Variants in MARCHF6 observed in about 807,000 individuals in gnomAD.
MARCHF6 encodes the protein E3 ubiquitin-protein ligase MARCHF6.
Under a neutral mutation model 133.7 loss-of-function variants are expected in MARCHF6, and 31 were observed. The observed-to-expected ratio is 0.23, with a 90% CI of 0.17 to 0.31. The LOEUF (loss-of-function observed/expected upper bound fraction) is 0.31, where lower values mean the gene tolerates loss of function less well. MARCHF6 is among the 10% of genes least tolerant of loss of function. MARCHF6 has a pLI of 1.00. For synonymous variants in MARCHF6, 395 were observed against 402.5 expected (o/e 0.98, Z 0.22); for missense variants, 723 against 1,121.6 (o/e 0.64, Z 5.08).
intron 25 of MARCHF6, 65 bp from the exon 26 acceptor site, chr5:10,433,529 G>A: frequency 8.2e-7 from 1 of 1,223,514 alleles, no homozygotes; most frequent in Non-Finnish European, 1.2e-6. Context: ...GATTTAAAAA[G>A]ACATATGAAT....
rs1349885990 is a variant in MARCHF6 at position 10,435,894 on chromosome 5, T to C, written c.*2210T>C. 6.7e-6 allele frequency: 1 copy of C among 149,284 alleles called. No individual in the cohort carries two copies. The highest frequency in any genetic ancestry group is 2.0e-4 in the East Asian group (1 of 5,064). The allele number at this position is 149,284 out of a possible 1,614,324, so 9.2% of individuals were successfully genotyped here. On this transcript the variant is annotated 3_prime_UTR_variant, in exon 26 of 26. Transcript: ENST00000274140. The stretch of plus-strand genomic sequence containing the variant: ...ACCACACCTGGCTTATTTTAGTTAT[T>C]TTAGTAGAGATAGGGTTTCACCATG...
Position 10,435,645 on chromosome 5 carries a change from ATATATATATATATATAT to A in MARCHF6, c.*1962_*1978del, listed in dbSNP as rs1561159218. 8.9e-3 allele frequency: 19 copies of A among 2,130 alleles called. No homozygotes were observed. The highest frequency in any genetic ancestry group is 0.017 in the African/African-American group (17 of 974). 0.1% of individuals were successfully genotyped at this position (2,130 alleles called of 1,614,324 possible). The stretch of plus-strand genomic sequence containing the variant: ...TAACTATATAACTATATAACTATAT[ATATATATATATATATAT>A]ATATATATATATATATATATATATA... On this transcript the variant is annotated 3_prime_UTR_variant, in exon 26 of 26. Coordinates refer to ENST00000274140, the MANE Select transcript of MARCHF6 (RefSeq NM_005885.4).
At chr5:10,421,503 T>A (rs1375513915) in intron 22 of MARCHF6, among the ~76,000 whole-genome samples, 2 of 152,230 alleles carry the variant, frequency 1.3e-5, no homozygotes, top group African/African-American at 4.8e-5. Flanking sequence ...TTCATGACTT[T>A]AAGCTACTTG....
At chr5:10,400,109 C>T (rs1738434163) in intron 10 of MARCHF6, among the ~76,000 whole-genome samples, 1 of 152,180 alleles carries the variant, frequency 6.6e-6, no homozygotes, top group Non-Finnish European at 1.5e-5. Context: ...TCACTGGATT[C>T]AGCTGATATC....
Position 10,390,510 on chromosome 5 carries a change from C to T in MARCHF6, c.576+10C>T. 1 of 1,609,752 alleles carries T rather than the reference C, an allele frequency of 6.2e-7. No individual in the cohort carries two copies. The highest frequency in any genetic ancestry group is 8.5e-7 in the Non-Finnish European group (1 of 1,178,122). On this transcript the variant is annotated intron_variant, in intron 6 of 25. Transcript: ENST00000274140. ...GCATCACCAAAATGAGGTAACTCCC[C>T]TACCCCAAAATTGATTTTACTTAGG...
intron 1 of MARCHF6, among the ~76,000 whole-genome samples, chr5:10,360,041 T>C (rs764418270): frequency 2.0e-5 from 3 of 151,962 alleles, no homozygotes; most frequent in Non-Finnish European, 4.4e-5. Context: ...ATTAATCTAC[T>C]GTTTATGTTG....
chr5:10,420,651 A>G (rs1374639422), intron 22 of MARCHF6, among the ~76,000 whole-genome samples: 4 of 152,228 alleles, frequency 2.6e-5, no homozygotes, highest in Admixed American at 6.5e-5. Context: ...CAGAACATCA[A>G]CATCATACAC....
chr5:10,379,986 T>G (rs1336310128), intron 3 of MARCHF6, among the ~76,000 whole-genome samples: 1 of 152,214 alleles, frequency 6.6e-6, no homozygotes, highest in Non-Finnish European at 1.5e-5. Flanking sequence ...AAAATATTTT[T>G]GCAGCCTTTA....
intron 1 of MARCHF6, among the ~76,000 whole-genome samples, chr5:10,373,541 CG>C (rs1736586115): frequency 6.6e-6 from 1 of 152,168 alleles, no homozygotes; most frequent in Non-Finnish European, 1.5e-5. Context: ...GCTGTACCCA[CG>C]TGGATGTCAC....
intron 1 of MARCHF6, among the ~76,000 whole-genome samples, chr5:10,374,381 C>T (rs1208707671): frequency 6.6e-6 from 1 of 152,132 alleles, no homozygotes; most frequent in African/African-American, 2.4e-5. Context: ...AAAGTCCATG[C>T]CTCTTGTCTT....
intron 9 of MARCHF6, among the ~76,000 whole-genome samples, chr5:10,396,363 G>A (rs751120841): frequency 1.4e-4 from 22 of 152,266 alleles, no homozygotes; most frequent in Non-Finnish European, 2.8e-4. Flanking sequence ...GATTTTCCGC[G>A]AAGATAACAG....
chr5:10,368,972 A>AG (rs1736298858), intron 1 of MARCHF6, among the ~76,000 whole-genome samples: 1 of 152,058 alleles, frequency 6.6e-6, no homozygotes, highest in Admixed American at 6.5e-5. Context: ...AAAAAAAAAA[A>AG]AAATTTCCAA....
At chr5:10,399,351 G>A (rs551229767) in intron 10 of MARCHF6, among the ~76,000 whole-genome samples, 1 of 151,782 alleles carries the variant, frequency 6.6e-6, no homozygotes, top group Non-Finnish European at 1.5e-5. Flanking sequence ...GGAAATACAT[G>A]TTCAAAAATA....
chr5:10,392,543 C>T (rs138230710), intron 7 of MARCHF6, among the ~76,000 whole-genome samples: 14 of 152,154 alleles, frequency 9.2e-5, no homozygotes, highest in Middle Eastern at 3.4e-3. Flanking sequence ...CACCTGAGGT[C>T]AGGAGTTTGA....
Position 10,439,098 on chromosome 5 carries a change from CAT to C in MARCHF6, c.*5417_*5418del, listed in dbSNP as rs1317703421. 8 of 152,208 alleles carry C rather than the reference CAT, an allele frequency of 5.3e-5. No individual in the cohort carries two copies. The highest frequency in any genetic ancestry group is 7.3e-5 in the Non-Finnish European group (5 of 68,046). 9.4% of individuals were successfully genotyped at this position (152,208 alleles called of 1,614,324 possible). On this transcript the variant is annotated 3_prime_UTR_variant, in exon 26 of 26. Transcript: ENST00000274140. Reference sequence around the variant, plus strand: ...TACCCAGTACTCCTCTTCATTCACTCATATGTTTTTGGGATCAGTCCCTTCTG... The same window carrying C: ...TACCCAGTACTCCTCTTCATTCACTCATGTTTTTGGGATCAGTCCCTTCTG...
chr5:10,426,664 C>T, intron 24 of MARCHF6, 142 bp downstream of exon 24: 4 of 920,432 alleles, frequency 4.3e-6, no homozygotes, highest in Non-Finnish European at 6.4e-6. Context: ...TTTCAAAATA[C>T]CACTTTTCTT....
At chr5:10,382,566 G>A (rs1488223394) in intron 4 of MARCHF6, among the ~76,000 whole-genome samples, 2 of 151,826 alleles carry the variant, frequency 1.3e-5, no homozygotes, top group African/African-American at 2.4e-5. Flanking sequence ...GGTGACTCAC[G>A]CCTGTAATCC....
chr5:10,407,526 C>A (rs892640695), intron 17 of MARCHF6, among the ~76,000 whole-genome samples: 5 of 152,114 alleles, frequency 3.3e-5, no homozygotes, highest in Non-Finnish European at 7.3e-5. Context: ...TTTTACCATA[C>A]CTAATGAGAG....
In MARCHF6 at chr5:10,439,400, C is replaced by G. The variant is rs1178518833; in HGVS notation, c.*5716C>G. The G allele has an allele frequency of 6.6e-6, 1 of 152,142 alleles. No homozygotes were observed. Among genetic ancestry groups the G allele is most frequent in the Non-Finnish European group, 1.5e-5 (1 of 68,022 alleles). 9.4% of individuals were successfully genotyped at this position (152,142 alleles called of 1,614,324 possible). A position where few individuals can be genotyped will look rare whatever the true frequency, so the allele number is the denominator to read the frequency against. On this transcript the variant is annotated 3_prime_UTR_variant, in exon 26 of 26. Transcript: ENST00000274140. The stretch of plus-strand genomic sequence containing the variant: ...TGGGTTAGGAAAAGATTTCTTAAAT[C>G]CAACACCAAAAGCACAATCCATGAA...
Sources: gnomAD v4.1 joint callset for allele counts (sites outside exome capture counted in the v4.1 genomes callset) on GRCh38, gnomAD v4.1.1 for gene constraint, MANE v1.5 for transcripts, NCBI Gene and HGNC (gene_info 2026-07-23, HGNC 2026-07-21) for gene names.